Variants in CCSER1 observed in about 807,000 individuals in gnomAD.
CCSER1 encodes the protein serine-rich coiled-coil domain-containing protein 1.
In CCSER1, 41 loss-of-function variants were observed where a neutral mutation model predicts 82.0. The observed-to-expected ratio is 0.50, with a 90% CI of 0.39 to 0.65. The LOEUF is 0.65. CCSER1 is among the 30% of genes least tolerant of loss of function. The pLI is 0.00. For missense variants in CCSER1, 1,119 were observed against 1,064.2 expected (o/e 1.05, Z -0.72); for synonymous variants, 414 against 383.9 (o/e 1.08, Z -0.92).
At chr4:91,129,631 G>T (rs1388843057) in intron 10 of CCSER1, among the ~76,000 whole-genome samples, 1 of 151,872 alleles carries the variant, frequency 6.6e-6, no homozygotes, top group Admixed American at 6.6e-5. Context: ...TAAAGAATTT[G>T]AAATGAAACA....
chr4:90,624,705 G>T (rs1722957666), intron 5 of CCSER1, among the ~76,000 whole-genome samples: 1 of 152,146 alleles, frequency 6.6e-6, no homozygotes, highest in Admixed American at 6.5e-5. Flanking sequence ...TATGGGATTT[G>T]CTATTAATCT....
At chr4:91,446,595 GTGTGCAT>G (rs1358852778) in intron 10 of CCSER1, among the ~76,000 whole-genome samples, 1 of 149,690 alleles carries the variant, frequency 6.7e-6, no homozygotes. Flanking sequence ...GTGTGTGTGT[GTGTGCAT>G]CTTTGTATGT....
chr4:90,589,115 C>T (rs1782385637), intron 5 of CCSER1, among the ~76,000 whole-genome samples: 2 of 151,942 alleles, frequency 1.3e-5, no homozygotes, highest in South Asian at 4.2e-4. Context: ...AAGTATGCTA[C>T]AGATGAATTA....
At chr4:90,140,850 A>C (rs1419333483) in intron 1 of CCSER1, among the ~76,000 whole-genome samples, 1 of 151,310 alleles carries the variant, frequency 6.6e-6, no homozygotes, top group Non-Finnish European at 1.5e-5. Flanking sequence ...TATTTTTAGT[A>C]GAGATGGGGT....
chr4:91,011,629 C>T lies in CCSER1; in HGVS notation c.2173-74321C>T, dbSNP rs1217396620. Reference sequence around the variant, plus strand: ...GTCTATGACACTGAACCCTGAGGAACAGGGCAACAACTTTGGCTCAGTTCT... The same window carrying T: ...GTCTATGACACTGAACCCTGAGGAATAGGGCAACAACTTTGGCTCAGTTCT... On this transcript the variant is annotated intron_variant, in intron 9 of 10. Transcript: ENST00000509176. Among the ~76,000 whole-genome samples, 2 of 134,480 alleles carry T rather than the reference C, an allele frequency of 1.5e-5. 1 individual carries two copies. The highest frequency in any genetic ancestry group is 3.5e-5 in the Non-Finnish European group (2 of 57,848). The allele number at this position is 134,480 out of a possible 152,430, so 88.2% of individuals were successfully genotyped here. A position where few individuals can be genotyped will look rare whatever the true frequency, so the allele number is the denominator to read the frequency against.
intron 10 of CCSER1, among the ~76,000 whole-genome samples, chr4:91,448,568 T>G (rs1253196139): frequency 6.6e-6 from 1 of 152,060 alleles, no homozygotes; most frequent in Non-Finnish European, 1.5e-5. Flanking sequence ...GTTTCTATAT[T>G]TTTATCTGAT....
intron 1 of CCSER1, among the ~76,000 whole-genome samples, chr4:90,283,428 A>G (rs1180146716): frequency 6.6e-6 from 1 of 152,012 alleles, no homozygotes; most frequent in Non-Finnish European, 1.5e-5. Context: ...AGCATATAGC[A>G]TGCAATGATC....
intron 8 of CCSER1, among the ~76,000 whole-genome samples, chr4:90,843,429 A>G (rs1762814117): frequency 6.6e-6 from 1 of 152,208 alleles, no homozygotes; most frequent in South Asian, 2.1e-4. Flanking sequence ...AATGCAAAAT[A>G]TTCTTAACCT....
At chr4:91,290,091 C>T (rs1743629694) in intron 10 of CCSER1, among the ~76,000 whole-genome samples, 2 of 151,850 alleles carry the variant, frequency 1.3e-5, no homozygotes, top group South Asian at 4.1e-4. Context: ...GATAAACTAA[C>T]AAGCTAGCTA....
intron 3 of CCSER1, among the ~76,000 whole-genome samples, chr4:90,374,689 C>A (rs1171425074): frequency 6.6e-6 from 1 of 152,130 alleles, no homozygotes; most frequent in African/African-American, 2.4e-5. Flanking sequence ...CAATTGACCT[C>A]CTCTCAGGGC....
intron 9 of CCSER1, among the ~76,000 whole-genome samples, chr4:91,007,671 T>G (rs1417138753): frequency 1.6e-5 from 2 of 123,558 alleles, no homozygotes; most frequent in African/African-American, 5.8e-5. Context: ...CAATTTTATC[T>G]TCTCAAAAAA....
At chr4:90,595,176 T>C (rs1370811580) in intron 5 of CCSER1, among the ~76,000 whole-genome samples, 2 of 151,992 alleles carry the variant, frequency 1.3e-5, no homozygotes, top group Admixed American at 1.3e-4. Context: ...CAATGTAATG[T>C]AGTCAGAAAC....
intron 4 of CCSER1, among the ~76,000 whole-genome samples, chr4:90,446,324 A>G (rs1306188040): frequency 1.3e-5 from 2 of 152,160 alleles, no homozygotes; most frequent in East Asian, 1.9e-4. Flanking sequence ...AAAAGTGAGG[A>G]TGGACATTAT....
At chr4:91,536,816 T>C (rs1761322064) in intron 10 of CCSER1, among the ~76,000 whole-genome samples, 2 of 152,040 alleles carry the variant, frequency 1.3e-5, no homozygotes, top group South Asian at 2.1e-4. Context: ...GTTCCCTATG[T>C]TTTTTTACTA....
chr4:90,556,396 A>G (rs890048299), intron 5 of CCSER1, among the ~76,000 whole-genome samples: 1 of 152,108 alleles, frequency 6.6e-6, no homozygotes, highest in African/African-American at 2.4e-5. Flanking sequence ...ATATATACTA[A>G]AATACCTAGG....
At chr4:91,482,130 C>T (rs557708796) in intron 10 of CCSER1, among the ~76,000 whole-genome samples, 11 of 151,938 alleles carry the variant, frequency 7.2e-5, no homozygotes, top group East Asian at 2.0e-4. Context: ...GGGCCGGGCG[C>T]GGTGGCTCAC....
At chr4:91,100,695 C>T (rs761162512) in intron 10 of CCSER1, among the ~76,000 whole-genome samples, 9 of 152,126 alleles carry the variant, frequency 5.9e-5, no homozygotes, top group Non-Finnish European at 1.0e-4. Context: ...TTATTGAAGG[C>T]AGTGCTTAAG....
At chr4:90,749,097 C>T (rs961960209) in intron 7 of CCSER1, among the ~76,000 whole-genome samples, 1 of 151,958 alleles carries the variant, frequency 6.6e-6, no homozygotes, top group African/African-American at 2.4e-5. Flanking sequence ...GTGTTTTAGA[C>T]ATGAAGTCCT....
intron 8 of CCSER1, among the ~76,000 whole-genome samples, chr4:90,884,334 C>A (rs1486255753): frequency 1.3e-5 from 2 of 152,182 alleles, no homozygotes; most frequent in Middle Eastern, 6.8e-3. Context: ...AAAGTAGCCC[C>A]ATTTAGGGGC....
Sources: allele counts gnomAD v4.1 joint callset (sites outside exome capture counted in the v4.1 genomes callset), GRCh38; gene constraint gnomAD v4.1.1; transcripts MANE v1.5; gene names NCBI Gene and HGNC (gene_info 2026-07-23, HGNC 2026-07-21).